The following CLASP1 variants were observed in gnomAD, a reference collection of about 807,000 sequenced individuals.
The protein encoded by CLASP1 is CLIP-associating protein 1.
In CLASP1, 38 loss-of-function variants were observed where a neutral mutation model predicts 192.3. The ratio of observed to expected loss-of-function variants is 0.20; its 90% CI spans 0.15 to 0.26. CLASP1 has a LOEUF of 0.26. CLASP1 is among the 10% of genes least tolerant of loss of function. The pLI is 1.00. For missense variants in CLASP1, 1,433 were observed against 1,932.5 expected (o/e 0.74, Z 4.85); for synonymous variants, 691 against 712.8 (o/e 0.97, Z 0.49).
At chr2:121,610,622 T>TGGA (rs148306674) in intron 1 of CLASP1, among the ~76,000 whole-genome samples, 16,190 of 72,302 alleles carry the variant, frequency 0.22, 2,688 homozygotes, top group African/African-American at 0.5. Flanking sequence ...GAAGAGGAAC[T>TGGA]GGAGGAGGAG....
chr2:121,390,446 T>C (rs960582802), intron 30 of CLASP1, among the ~76,000 whole-genome samples: 4 of 152,210 alleles, frequency 2.6e-5, no homozygotes, highest in African/African-American at 7.2e-5. Context: ...AAGGATCACA[T>C]GGCAACTTAA....
At chr2:121,410,545 A>C (rs993056938) in intron 24 of CLASP1, among the ~76,000 whole-genome samples, 1 of 152,178 alleles carries the variant, frequency 6.6e-6, no homozygotes, top group Non-Finnish European at 1.5e-5. Flanking sequence ...AGAAAAAAAA[A>C]CATGGTTAAA....
chr2:121,613,264 C>T (rs1029668230), intron 1 of CLASP1, among the ~76,000 whole-genome samples: 1 of 152,172 alleles, frequency 6.6e-6, no homozygotes, highest in Admixed American at 6.5e-5. Flanking sequence ...TAGTTAGGTT[C>T]CAAGCATCTC....
intron 8 of CLASP1, among the ~76,000 whole-genome samples, chr2:121,473,642 C>G (rs1376323804): frequency 6.6e-6 from 1 of 152,084 alleles, no homozygotes; most frequent in African/African-American, 2.4e-5. Flanking sequence ...ATGCCCCAAG[C>G]AAGACACACA....
chr2:121,602,174 C>CAAA (rs71398035), intron 2 of CLASP1, among the ~76,000 whole-genome samples: 1 of 131,376 alleles, frequency 7.6e-6, no homozygotes. Flanking sequence ...CACTCCATCT[C>CAAA]AAAAAAAAAA....
chr2:121,401,764 G>T, intron 27 of CLASP1, 92 bp from the exon 29 acceptor site: 2 of 1,090,532 alleles, frequency 1.8e-6, no homozygotes, highest in Non-Finnish European at 2.8e-6. Flanking sequence ...TACGTGCTTT[G>T]CCCAGACTCT....
At chr2:121,497,927 A>G (rs1559441528) in intron 8 of CLASP1, among the ~76,000 whole-genome samples, 1 of 151,908 alleles carries the variant, frequency 6.6e-6, no homozygotes, top group Non-Finnish European at 1.5e-5. Flanking sequence ...GGGCTTCACC[A>G]TGTTAGCCAG....
intron 7 of CLASP1, among the ~76,000 whole-genome samples, chr2:121,507,521 C>T (rs2093978804): frequency 6.6e-6 from 1 of 152,152 alleles, no homozygotes; most frequent in Admixed American, 6.5e-5. Context: ...AGATACGGTA[C>T]TTTTCAAAGG....
chr2:121,498,254 G>A (rs892649179), intron 8 of CLASP1, among the ~76,000 whole-genome samples: 1 of 143,212 alleles, frequency 7.0e-6, no homozygotes, highest in African/African-American at 2.7e-5. Flanking sequence ...CTGGAGCGCA[G>A]TGGTACAATC....
chr2:121,466,652 G>A (rs1211001115), intron 9 of CLASP1, among the ~76,000 whole-genome samples: 1 of 152,206 alleles, frequency 6.6e-6, no homozygotes, highest in Non-Finnish European at 1.5e-5. Context: ...AAATTTGAGA[G>A]AAAATAAGAG....
intron 1 of CLASP1, among the ~76,000 whole-genome samples, chr2:121,616,124 A>C (rs2066418448): frequency 1.3e-5 from 2 of 152,226 alleles, no homozygotes; most frequent in South Asian, 4.1e-4. Context: ...TTAAATTACC[A>C]GCACCAGTTA....
intron 29 of CLASP1, 101 bp downstream of exon 30, chr2:121,398,221 G>T: frequency 1.2e-6 from 1 of 855,158 alleles, no homozygotes; most frequent in South Asian, 1.6e-5. Context: ...GCTCACAGCA[G>T]ATTTATTCAC....
chr2:121,441,687 T>G (rs1259698601), intron 19 of CLASP1, among the ~76,000 whole-genome samples: 4 of 151,964 alleles, frequency 2.6e-5, no homozygotes, highest in African/African-American at 9.7e-5. Context: ...AAGGGTGCAG[T>G]GAGCTGTAAT....
At chr2:121,394,606 G>C (rs1574268434) in intron 30 of CLASP1, among the ~76,000 whole-genome samples, 1 of 152,208 alleles carries the variant, frequency 6.6e-6, no homozygotes, top group African/African-American at 2.4e-5. Context: ...TCTTGGCTGG[G>C]CGCAGTGGCT....
chr2:121,415,005 T>C (rs947741367), intron 23 of CLASP1, among the ~76,000 whole-genome samples: 1 of 152,134 alleles, frequency 6.6e-6, no homozygotes, highest in Non-Finnish European at 1.5e-5. Context: ...GTCTCAAACT[T>C]CTGGGCTCAA....
At chr2:121,586,971 A>C (rs2061780534) in intron 2 of CLASP1, among the ~76,000 whole-genome samples, 1 of 152,226 alleles carries the variant, frequency 6.6e-6, no homozygotes. Context: ...GGCTGGGCAC[A>C]GTGGCTCACA....
At chr2:121,470,535 T>C in intron 8 of CLASP1, 1 of 378,864 alleles carries the variant, frequency 2.6e-6, no homozygotes, top group South Asian at 2.0e-5. Flanking sequence ...TTAATAATTG[T>C]ATGGTACTTT....
At chr2:121,590,823 T>C (rs953333271) in intron 2 of CLASP1, among the ~76,000 whole-genome samples, 10 of 151,990 alleles carry the variant, frequency 6.6e-5, no homozygotes, top group Admixed American at 2.6e-4. Context: ...AAGACAAAAA[T>C]ATCTCCATGG....
chr2:121,465,854 A>T (rs1194582306), intron 9 of CLASP1, among the ~76,000 whole-genome samples: 1 of 152,224 alleles, frequency 6.6e-6, no homozygotes, highest in Non-Finnish European at 1.5e-5. Flanking sequence ...CAGAGCCCTC[A>T]GAAATAACGC....
Sources: gnomAD v4.1 joint callset for allele counts (sites outside exome capture counted in the v4.1 genomes callset) on GRCh38, gnomAD v4.1.1 for gene constraint, MANE v1.5 for transcripts, NCBI Gene and HGNC (gene_info 2026-07-23, HGNC 2026-07-21) for gene names.